GFPT2: variants seen among roughly 807,000 people sequenced by gnomAD.
GFPT2 encodes glutamine--fructose-6-phosphate aminotransferase [isomerizing] 2.
GFPT2 carries 62 observed loss-of-function variants against 85.6 expected under a neutral mutation model. That is an observed-to-expected ratio of 0.72 (90% CI 0.59 to 0.90). The LOEUF is 0.90. GFPT2 is among the 40% of genes least tolerant of loss of function. The probability of loss-of-function intolerance (pLI) is 0.00; values close to 1 mark genes in which losing one functional copy is unlikely to be tolerated. For synonymous variants in GFPT2, 368 were observed against 344.5 expected, an observed-to-expected ratio of 1.07 and a Z score of -0.75; for missense variants, 788 against 893.4, an observed-to-expected ratio of 0.88 and a Z score of 1.50.
At chr5:180,315,624 G>A (rs1294368539) in intron 13 of GFPT2, among the ~76,000 whole-genome samples, 1 of 152,200 alleles carries the variant, frequency 6.6e-6, no homozygotes, top group African/African-American at 2.4e-5. Flanking sequence ...AAGATGGGCT[G>A]GATAAGGCTA....
intron 6 of GFPT2, among the ~76,000 whole-genome samples, chr5:180,329,160 C>T (rs1269349780): frequency 6.6e-6 from 1 of 152,210 alleles, no homozygotes; most frequent in African/African-American, 2.4e-5. Flanking sequence ...ATCTGAATTT[C>T]CACAAGAAAT....
At position 180,328,216 on chromosome 5, in the gene GFPT2, C is replaced by T; in HGVS notation, c.596+61G>A. 3 of 1,262,616 alleles carry T rather than the reference C, an allele frequency of 2.4e-6. No individual in the cohort carries two copies. Among genetic ancestry groups the T allele is most frequent in the Non-Finnish European group, 3.5e-6 (3 of 859,406 alleles). The allele number at this position is 1,262,616 out of a possible 1,614,324, so 78.2% of individuals were successfully genotyped here. ...CAGGCCCTACCTCTCCCGTCTCCCTCCAGCTAAGTGATTTTATTTTCGTTC... is the reference window on the plus strand; with the variant it reads ...CAGGCCCTACCTCTCCCGTCTCCCTTCAGCTAAGTGATTTTATTTTCGTTC... On this transcript the variant is annotated intron_variant, in intron 7 of 18. Coordinates refer to ENST00000253778, the MANE Select transcript of GFPT2 (RefSeq NM_005110.4). The surrounding 1 kb of genome is among the most constrained non-coding windows in gnomAD (Gnocchi z 5.4).
At chr5:180,315,237 G>A (rs1021321723) in intron 13 of GFPT2, among the ~76,000 whole-genome samples, 3 of 151,694 alleles carry the variant, frequency 2.0e-5, no homozygotes, top group South Asian at 2.1e-4. Flanking sequence ...GAGTGCAGTG[G>A]CGCGATCTCA....
chr5:180,339,782 G>A (rs1227563102), intron 1 of GFPT2, among the ~76,000 whole-genome samples: 3 of 152,220 alleles, frequency 2.0e-5, no homozygotes, highest in African/African-American at 4.8e-5. Flanking sequence ...GTGCTCTCAC[G>A]TCATGGGACA....
intron 14 of GFPT2, among the ~76,000 whole-genome samples, chr5:180,312,959 T>G (rs577770667): frequency 1.3e-5 from 2 of 152,126 alleles, no homozygotes; most frequent in East Asian, 3.9e-4. Flanking sequence ...GTGTTTTTAG[T>G]AGAGACGGGG....
intron 9 of GFPT2, among the ~76,000 whole-genome samples, chr5:180,322,380 T>C (rs1391788922): frequency 6.6e-6 from 1 of 152,194 alleles, no homozygotes; most frequent in East Asian, 1.9e-4. Context: ...TACTTCCTCA[T>C]GGTAAATTTC....
At chr5:180,306,650 A>G (rs1163298332) in intron 16 of GFPT2, among the ~76,000 whole-genome samples, 1 of 152,088 alleles carries the variant, frequency 6.6e-6, no homozygotes. Flanking sequence ...GCAGGATCTC[A>G]AACTCCCCTT....
Position 180,324,893 on chromosome 5 carries a change from C to T in GFPT2, c.599G>A (p.Arg200Lys). 6.2e-7 allele frequency: 1 copy of T among 1,604,714 alleles called. No individual in the cohort carries two copies. The highest frequency in any genetic ancestry group is 8.5e-7 in the Non-Finnish European group (1 of 1,171,580). The change falls in exon 8 of 19, where the codon AGA becomes AAA. Residue 200 changes from arginine (R) to lysine (K), a missense_variant and splice_region_variant. Coordinates refer to ENST00000253778, the MANE Select transcript of GFPT2 (RefSeq NM_005110.4). Reference sequence around the variant, plus strand: ...GACTCCGATGAGCAGGGGGCTGCCTCTCCTGTAGGGAGAAAGAGGCATCCC... The same window carrying T: ...GACTCCGATGAGCAGGGGGCTGCCTTTCCTGTAGGGAGAAAGAGGCATCCC... ...HYPGEAVATRRGSPLLIGVRS... is the reference protein window; with the variant it reads ...HYPGEAVATRKGSPLLIGVRS...
chr5:180,335,752 C>G, intron 4 of GFPT2, 76 bp downstream of exon 4: 1 of 1,491,426 alleles, frequency 6.7e-7, no homozygotes. Flanking sequence ...GGCGCGGAAC[C>G]TGCTTTGGCG....
intron 17 of GFPT2, among the ~76,000 whole-genome samples, chr5:180,303,649 G>C (rs1007841882): frequency 6.6e-6 from 1 of 152,232 alleles, no homozygotes; most frequent in Admixed American, 6.5e-5. Flanking sequence ...GCAACATCTG[G>C]ATGGGGCACC....
intron 4 of GFPT2, 51 bp from the exon 5 acceptor site, chr5:180,331,604 G>A (rs1239219821): frequency 1.9e-6 from 2 of 1,032,038 alleles, no homozygotes; most frequent in Non-Finnish European, 3.1e-6. Context: ...GTTCATGTCA[G>A]ATGTGAAGAG....
At chr5:180,302,362 A>G (rs1338748922) in intron 18 of GFPT2, 61 bp downstream of exon 18, 1 of 1,263,414 alleles carries the variant, frequency 7.9e-7, no homozygotes, top group Non-Finnish European at 1.1e-6. Flanking sequence ...TTTAAAGAAC[A>G]GAAAGGAACT....
chr5:180,352,262 G>T (rs1173377256), intron 1 of GFPT2: 8 of 375,654 alleles, frequency 2.1e-5, no homozygotes, highest in Non-Finnish European at 3.6e-5. Context: ...TCAGAGAGAG[G>T]CCTTTCATGG....
Position 180,343,202 on chromosome 5 carries a change from G to A in GFPT2, c.8-4602C>T, listed in dbSNP as rs185116772. On this transcript the variant is annotated intron_variant, in intron 1 of 18. Transcript: ENST00000253778. ...GGTTTTGCATCTGAATGATGTTCCC[G>A]AGTGCATAATGAGTCAGCTCTGCAA... 6.2e-4 allele frequency among the ~76,000 whole-genome samples: 94 copies of A among 152,238 alleles called. 1 individual carries two copies. Among genetic ancestry groups the A allele is most frequent in the Admixed American group, 3.0e-3 (46 of 15,288 alleles).
chr5:180,349,335 TTTAA>T (rs989058251), intron 1 of GFPT2, among the ~76,000 whole-genome samples: 4 of 152,200 alleles, frequency 2.6e-5, no homozygotes, highest in South Asian at 2.1e-4. Context: ...ACCTAAATAG[TTTAA>T]TTGTTTTATT....
rs1354728690 is a variant in GFPT2 at position 180,328,597 on chromosome 5, C to G, written c.535-259G>C. ...GCGGCTTGCCCAGGCCCACAGGGAG[C>G]CCGGCAGGGGTGCCAGCTGGGTAGA... On this transcript the variant is annotated intron_variant, in intron 6 of 18. Transcript: ENST00000253778. This position sits in a 1 kb window ranked among gnomAD's most constrained non-coding sequence, Gnocchi z 5.4. Among the ~76,000 whole-genome samples the G allele has an allele frequency of 6.6e-6, 1 of 152,212 alleles. No homozygotes were observed. The highest frequency in any genetic ancestry group is 2.4e-5 in the African/African-American group (1 of 41,454).
intron 12 of GFPT2, 67 bp downstream of exon 12, chr5:180,316,697 A>G: frequency 1.7e-6 from 2 of 1,162,894 alleles, no homozygotes; most frequent in Non-Finnish European, 2.5e-6. Context: ...CATGAGTGAT[A>G]AAACTGAAGG....
intron 10 of GFPT2, 75 bp from the exon 11 acceptor site, chr5:180,317,133 A>G (rs1174345448): frequency 1.0e-6 from 1 of 970,534 alleles, no homozygotes; most frequent in African/African-American, 1.6e-5. Flanking sequence ...AGCGATAGTA[A>G]CTCCTGTAAA....
chr5:180,322,893 G>A (rs1027157677), intron 9 of GFPT2, among the ~76,000 whole-genome samples: 5 of 152,008 alleles, frequency 3.3e-5, no homozygotes, highest in South Asian at 2.1e-4. Flanking sequence ...AAAATTAGCC[G>A]GGCGTGGTGG....
Sources: allele counts gnomAD v4.1 joint callset (sites outside exome capture counted in the v4.1 genomes callset), GRCh38; gene constraint gnomAD v4.1.1; non-coding constraint Gnocchi (gnomAD v3.1); transcripts MANE v1.5; gene names NCBI Gene and HGNC (gene_info 2026-07-23, HGNC 2026-07-21).